OVAAL: variants seen among roughly 807,000 people sequenced by gnomAD.
OVAAL encodes ovarian adenocarcinoma amplified long non-coding RNA, also known as long intergenic non-protein coding RNA 1131.
intron 2 of OVAAL, among the ~76,000 whole-genome samples, chr1:180,564,087 C>G (rs900043020): frequency 6.6e-6 from 1 of 152,006 alleles, no homozygotes; most frequent in Admixed American, 6.6e-5. Flanking sequence ...AAGGGGGGCA[C>G]TATTAGTTAT....
At chr1:180,565,323 T>C (rs528724852) in exon 3 of OVAAL, 1 of 152,468 alleles carries the variant, frequency 6.6e-6, no homozygotes, top group South Asian at 2.1e-4. Context: ...GAGAACTGTC[T>C]CTGCAGCCTA....
chr1:180,564,890 T>C (rs1486080113), intron 2 of OVAAL, among the ~76,000 whole-genome samples: 2 of 152,182 alleles, frequency 1.3e-5, no homozygotes, highest in East Asian at 1.9e-4. Flanking sequence ...GTGGCATCCA[T>C]GGGTTCCCAA....
chr1:180,562,619 C>G (rs1397594639), intron 2 of OVAAL, among the ~76,000 whole-genome samples: 8 of 152,098 alleles, frequency 5.3e-5, no homozygotes, highest in Non-Finnish European at 5.9e-5. Context: ...AGAAGAAAGC[C>G]TGGTGATCAA....
At chr1:180,563,371 A>G (rs1321110525) in intron 2 of OVAAL, among the ~76,000 whole-genome samples, 1 of 152,128 alleles carries the variant, frequency 6.6e-6, no homozygotes, top group Non-Finnish European at 1.5e-5. Context: ...TGTGAATGGA[A>G]TTGTTAACAG....
intron 1 of OVAAL, among the ~76,000 whole-genome samples, chr1:180,559,535 T>C (rs1418204279): frequency 6.6e-6 from 1 of 152,126 alleles, no homozygotes; most frequent in East Asian, 1.9e-4. Context: ...GTGACTTGGG[T>C]GCTGTTAAAA....
intron 1 of OVAAL, among the ~76,000 whole-genome samples, chr1:180,562,002 G>A (rs1299325667): frequency 6.7e-6 from 1 of 150,118 alleles, no homozygotes; most frequent in South Asian, 2.1e-4. Flanking sequence ...CAGCCTGGGC[G>A]AGAAGAGTGA....
intron 1 of OVAAL, among the ~76,000 whole-genome samples, chr1:180,559,975 T>C (rs1356036221): frequency 6.6e-6 from 1 of 151,776 alleles, no homozygotes; most frequent in Non-Finnish European, 1.5e-5. Flanking sequence ...TAATAATAGC[T>C]AACATTGATT....
chr1:180,560,464 T>C (rs1300999931), intron 1 of OVAAL, among the ~76,000 whole-genome samples: 1 of 152,150 alleles, frequency 6.6e-6, no homozygotes, highest in Non-Finnish European at 1.5e-5. Context: ...TACCCTACTG[T>C]TTAGCTGTTC....
intron 2 of OVAAL, among the ~76,000 whole-genome samples, chr1:180,563,761 A>G (rs1653246770): frequency 6.6e-6 from 1 of 151,566 alleles, no homozygotes; most frequent in Non-Finnish European, 1.5e-5. Flanking sequence ...TACCAGTTAA[A>G]CTCCGCCATT....
chr1:180,559,010 C>G (rs943235871), intron 1 of OVAAL: 2 of 154,528 alleles, frequency 1.3e-5, no homozygotes, highest in Non-Finnish European at 2.9e-5. Context: ...TTTCACCACC[C>G]CCACACCCTG....
intron 1 of OVAAL, among the ~76,000 whole-genome samples, chr1:180,561,098 G>T (rs1571621148): frequency 6.6e-6 from 1 of 152,028 alleles, no homozygotes; most frequent in Non-Finnish European, 1.5e-5. Context: ...CAGGAACCAG[G>T]GTTATCTGGT....
exon 3 of OVAAL, chr1:180,565,333 A>C (rs1263375085): frequency 6.6e-6 from 1 of 152,292 alleles, no homozygotes; most frequent in Non-Finnish European, 1.5e-5. Context: ...TCTGCAGCCT[A>C]TACTGATGAC....
chr1:180,564,891 G>A (rs1218267675), intron 2 of OVAAL, among the ~76,000 whole-genome samples: 6 of 152,112 alleles, frequency 3.9e-5, no homozygotes, highest in Non-Finnish European at 7.4e-5. Flanking sequence ...TGGCATCCAT[G>A]GGTTCCCAAA....
chr1:180,559,976 A>T (rs903442566), intron 1 of OVAAL, among the ~76,000 whole-genome samples: 5 of 152,082 alleles, frequency 3.3e-5, no homozygotes, highest in Non-Finnish European at 5.9e-5. Flanking sequence ...AATAATAGCT[A>T]ACATTGATTT....
rs114613009 is a variant in OVAAL at position 180,563,237 on chromosome 1, C to T, written n.513+893C>T. Among the ~76,000 whole-genome samples the T allele has an allele frequency of 1.4e-3, 215 of 152,238 alleles. 1 individual carries two copies. Among genetic ancestry groups the T allele is most frequent in the African/African-American group, 4.7e-3 (197 of 41,542 alleles). On this transcript the variant is annotated intron_variant and non_coding_transcript_variant, in intron 2 of 2. Transcript: ENST00000673955. ...TTAGAATGGGTTTAACAGTAACAGC[C>T]GGGTGGAGTTCACGTTCTGTTTCCT... is the stretch of plus-strand genomic sequence containing the variant.
intron 2 of OVAAL, among the ~76,000 whole-genome samples, chr1:180,563,948 G>A (rs1653252723): frequency 6.6e-6 from 1 of 152,052 alleles, no homozygotes; most frequent in Non-Finnish European, 1.5e-5. Context: ...ACCATCACCC[G>A]ATGGTCGCCT....
intron 1 of OVAAL, among the ~76,000 whole-genome samples, chr1:180,559,365 G>A (rs1653158728): frequency 6.6e-6 from 1 of 152,154 alleles, no homozygotes; most frequent in African/African-American, 2.4e-5. Flanking sequence ...ATGGAGATGA[G>A]GAACTTATTG....
chr1:180,562,011 G>A (rs1166297592), intron 1 of OVAAL, among the ~76,000 whole-genome samples: 1 of 145,370 alleles, frequency 6.9e-6, no homozygotes, highest in Non-Finnish European at 1.5e-5. Flanking sequence ...CGAGAAGAGT[G>A]AAACTCCATC....
At chr1:180,566,028 C>A (rs781741258) in exon 3 of OVAAL, 5 of 152,216 alleles carry the variant, frequency 3.3e-5, no homozygotes, top group Non-Finnish European at 7.3e-5. Context: ...CACTCAAATT[C>A]TTTAATCAAA....
Sources: gnomAD v4.1 joint callset for allele counts (sites outside exome capture counted in the v4.1 genomes callset) on GRCh38, gnomAD v4.1.1 for gene constraint, MANE v1.5 for transcripts, NCBI Gene and HGNC (gene_info 2026-07-23, HGNC 2026-07-21) for gene names.